Variants in SUSD1 observed in about 807,000 individuals in gnomAD.
SUSD1 encodes sushi domain containing 1, also known as sushi domain-containing protein 1.
Under a neutral mutation model 86.9 loss-of-function variants are expected in SUSD1, and 65 were observed. The observed-to-expected ratio is 0.75, with a 90% CI of 0.61 to 0.92. The LOEUF (loss-of-function observed/expected upper bound fraction) is 0.92. Among genes scored for constraint, SUSD1 ranks in the 40% least tolerant of loss-of-function variants. SUSD1 has a pLI of 0.00. For synonymous variants in SUSD1, 346 were observed against 350.0 expected, an observed-to-expected ratio of 0.99 and a Z score of 0.13; for missense variants, 850 against 929.7, an observed-to-expected ratio of 0.91 and a Z score of 1.11.
At chr9:112,109,099 T>C (rs1830980070) in intron 8 of SUSD1, among the ~76,000 whole-genome samples, 1 of 152,114 alleles carries the variant, frequency 6.6e-6, no homozygotes, top group South Asian at 2.1e-4. Context: ...CAACCAAATA[T>C]ACATTTTTTA....
chr9:112,098,613 G>A lies in SUSD1; in HGVS notation c.1331C>T (p.Thr444Ile), dbSNP rs1205744509. The change falls in exon 10 of 17, where the codon ACA (threonine) becomes ATA (isoleucine). Residue 444 changes from threonine (T) to isoleucine (I), a missense_variant. Coordinates refer to ENST00000374270, the MANE Select transcript of SUSD1 (RefSeq NM_022486.5). ...RWYLANFSHA[T>I]SFNFTTREQV... ...TTCCCTCGTTGTGAAGTTAAACGAT[G>A]TTGCATGAGAAAAGTTAGCCAGATA... is the stretch of plus-strand genomic sequence containing the variant. 5 of 1,614,086 alleles carry A rather than the reference G, an allele frequency of 3.1e-6. No individual in the cohort carries two copies. In the African/African-American group the frequency reaches 5.3e-5, roughly 17 times the overall value.
intron 13 of SUSD1, 87 bp downstream of exon 13, chr9:112,062,850 C>G (rs1589596341): frequency 1.2e-6 from 1 of 866,292 alleles, no homozygotes; most frequent in East Asian, 2.4e-5. Flanking sequence ...GCCACCAACA[C>G]AGAAGTCTTC....
chr9:112,066,073 G>C (rs749968738), intron 12 of SUSD1, among the ~76,000 whole-genome samples: 1 of 152,174 alleles, frequency 6.6e-6, no homozygotes, highest in Non-Finnish European at 1.5e-5. Flanking sequence ...ACTAGAAGAC[G>C]GCCGGCCGAG....
chr9:112,051,408 CTTTT>C (rs746946192), intron 15 of SUSD1, among the ~76,000 whole-genome samples: 3 of 77,048 alleles, frequency 3.9e-5, no homozygotes, highest in Admixed American at 1.6e-4. Context: ...TTTTTCTTTT[CTTTT>C]TTTTTTTTTT....
chr9:112,159,400 T>A (rs1833471008), intron 1 of SUSD1, among the ~76,000 whole-genome samples: 1 of 152,186 alleles, frequency 6.6e-6, no homozygotes, highest in Admixed American at 6.6e-5. Context: ...TTCTGCGTGT[T>A]TTTTAAAAAA....
chr9:112,166,786 C>T (rs1044264433), intron 1 of SUSD1, among the ~76,000 whole-genome samples: 4 of 152,022 alleles, frequency 2.6e-5, no homozygotes, highest in Admixed American at 2.6e-4. Flanking sequence ...GAGGTGGTTG[C>T]CATGTAGTAA....
chr9:112,138,280 TG>T (rs1832399748), intron 5 of SUSD1, among the ~76,000 whole-genome samples: 1 of 125,514 alleles, frequency 8.0e-6, no homozygotes, highest in East Asian at 2.1e-4. Context: ...TATATATATA[TG>T]AAGTCCAGGA....
intron 6 of SUSD1, among the ~76,000 whole-genome samples, chr9:112,123,844 T>A (rs1207332510): frequency 6.6e-6 from 1 of 152,168 alleles, no homozygotes; most frequent in African/African-American, 2.4e-5. Flanking sequence ...TGTTAAATTG[T>A]ATGTTTTTTG....
intron 5 of SUSD1, among the ~76,000 whole-genome samples, chr9:112,130,649 G>C (rs183410688): frequency 3.3e-5 from 5 of 151,926 alleles, no homozygotes; most frequent in Non-Finnish European, 7.4e-5. Flanking sequence ...GAAAGAGAGA[G>C]AGAATATAGC....
intron 14 of SUSD1, 121 bp from the exon 15 acceptor site, chr9:112,052,559 C>T: frequency 9.2e-7 from 1 of 1,084,208 alleles, no homozygotes; most frequent in Non-Finnish European, 1.4e-6. Context: ...TGAACTAGAC[C>T]TTTAAAGTCC....
chr9:112,068,717 AT>A (rs34023791), intron 12 of SUSD1, among the ~76,000 whole-genome samples: 25,064 of 134,846 alleles, frequency 0.19, 3,235 homozygotes, highest in African/African-American at 0.42. Flanking sequence ...AAAAAAAAAA[AT>A]ATTTTTAGCC....
rs1298011728 is a variant in SUSD1, at chr9:112,113,192, G to C, written c.887-324C>G. The stretch of plus-strand genomic sequence containing the variant: ...CTCTGGTAGAATGGAATGAGGCCCA[G>C]AGCTGGGTCCTCAGTGAGACCTTCC... On this transcript the variant is annotated intron_variant, in intron 6 of 16. Transcript: ENST00000374270. This position sits in a 1 kb window ranked among gnomAD's most constrained non-coding sequence, Gnocchi z 4.1. Among the ~76,000 whole-genome samples the C allele has an allele frequency of 6.6e-6, 1 of 152,182 alleles. No homozygotes were observed. Among genetic ancestry groups the C allele is most frequent in the Non-Finnish European group, 1.5e-5 (1 of 68,036 alleles).
At chr9:112,111,633 T>G in intron 8 of SUSD1, 21 bp downstream of exon 8, 2 of 1,607,874 alleles carry the variant, frequency 1.2e-6, no homozygotes, top group Non-Finnish European at 1.7e-6. Context: ...TAGGAGGAAA[T>G]GAGACTTCAC....
intron 1 of SUSD1, among the ~76,000 whole-genome samples, chr9:112,164,206 C>G (rs1833686725): frequency 2.0e-5 from 3 of 151,994 alleles, no homozygotes; most frequent in Non-Finnish European, 4.4e-5. Flanking sequence ...GAATTAAGTT[C>G]AAGTTTATTT....
chr9:112,139,193 G>T (rs1832449446), intron 5 of SUSD1, among the ~76,000 whole-genome samples: 1 of 152,096 alleles, frequency 6.6e-6, no homozygotes, highest in African/African-American at 2.4e-5. Flanking sequence ...TCCAGAAATA[G>T]AGAAAGAAGG....
intron 2 of SUSD1, among the ~76,000 whole-genome samples, chr9:112,156,370 G>A (rs1833318325): frequency 6.6e-6 from 1 of 151,550 alleles, no homozygotes. Flanking sequence ...GCTGAAGTAG[G>A]AGAATCACTT....
intron 5 of SUSD1, among the ~76,000 whole-genome samples, chr9:112,138,997 C>T (rs1206795403): frequency 2.0e-5 from 3 of 152,140 alleles, no homozygotes; most frequent in South Asian, 2.1e-4. Context: ...TCTAGAAATA[C>T]ATAATTTACC....
chr9:112,100,731 C>T (rs1830596599), intron 9 of SUSD1, among the ~76,000 whole-genome samples: 2 of 151,764 alleles, frequency 1.3e-5, no homozygotes, highest in Non-Finnish European at 2.9e-5. Context: ...ACTAGGGAGG[C>T]TGAGGCAGGA....
intron 5 of SUSD1, among the ~76,000 whole-genome samples, chr9:112,140,322 A>T (rs910626251): frequency 3.7e-5 from 3 of 80,730 alleles, no homozygotes; most frequent in Admixed American, 2.6e-4. Context: ...AGATTGCGCC[A>T]CTGCAGTCCG....
Sources: gnomAD v4.1 joint callset for allele counts (sites outside exome capture counted in the v4.1 genomes callset) on GRCh38, gnomAD v4.1.1 for gene constraint, Gnocchi (gnomAD v3.1) non-coding constraint, MANE v1.5 for transcripts, NCBI Gene and HGNC (gene_info 2026-07-23, HGNC 2026-07-21) for gene names.